The following PPP1R14C variants were observed in gnomAD, a reference collection of about 807,000 sequenced individuals.
PPP1R14C encodes protein phosphatase 1 regulatory inhibitor subunit 14C, also known as protein phosphatase 1 regulatory subunit 14C.
A neutral mutation model predicts 20.4 loss-of-function variants in PPP1R14C; 16 were observed. The observed-to-expected ratio is 0.78, with a 90% CI of 0.53 to 1.19. PPP1R14C has a LOEUF of 1.19. Ranked by LOEUF, PPP1R14C falls within the 50% of genes most tolerant of loss-of-function variation. PPP1R14C has a pLI of 0.00. For missense variants in PPP1R14C, 211 were observed against 220.1 expected, an observed-to-expected ratio of 0.96 and a Z score of 0.26; for synonymous variants, 91 against 91.0, an observed-to-expected ratio of 1.00 and a Z score of 0.00.
chr6:150,243,619 G>T (rs1302240623), intron 3 of PPP1R14C, among the ~76,000 whole-genome samples: 2 of 152,156 alleles, frequency 1.3e-5, no homozygotes, highest in African/African-American at 4.8e-5. Flanking sequence ...TATGGTATGG[G>T]TATAAACATA....
chr6:150,195,965 C>G (rs1373874611), intron 1 of PPP1R14C: 2 of 985,328 alleles, frequency 2.0e-6, no homozygotes, highest in African/African-American at 3.5e-5. Flanking sequence ...GACTGAAGAC[C>G]TGCCACTCTG....
chr6:150,143,638 C>A lies in PPP1R14C; in HGVS notation c.306+140C>A. 1 of 649,574 alleles carries A rather than the reference C, an allele frequency of 1.5e-6. No homozygotes were observed. Among genetic ancestry groups the A allele is most frequent in the Non-Finnish European group, 2.5e-6 (1 of 394,076 alleles). The allele number at this position is 649,574 out of a possible 1,614,324, so 40.2% of individuals were successfully genotyped here. On this transcript the variant is annotated intron_variant, in intron 1 of 3. Coordinates refer to ENST00000361131, the MANE Select transcript of PPP1R14C (RefSeq NM_030949.3). This position sits in a 1 kb window ranked among gnomAD's most constrained non-coding sequence, Gnocchi z 5.6. Reference sequence around the variant, plus strand: ...AAGTGCCAGGAGCGAGGCGCGGCGCCTTCTCTCCCCCGCGGTGCCCTCTGG... The same window carrying A: ...AAGTGCCAGGAGCGAGGCGCGGCGCATTCTCTCCCCCGCGGTGCCCTCTGG...
chr6:150,222,173 C>CA (rs370923560), intron 3 of PPP1R14C, among the ~76,000 whole-genome samples: 15,369 of 152,092 alleles, frequency 0.1, 1,360 homozygotes, highest in African/African-American at 0.24. Flanking sequence ...TAGCAGATGC[C>CA]GGGTGCTGAT....
intron 3 of PPP1R14C, among the ~76,000 whole-genome samples, chr6:150,242,817 A>G (rs1778448130): frequency 6.6e-6 from 1 of 152,230 alleles, no homozygotes; most frequent in South Asian, 2.1e-4. Flanking sequence ...CTACAAAAAA[A>G]TCTCCTAGAA....
At position 150,152,119 on chromosome 6, in the gene PPP1R14C, C is replaced by CAA. The variant is rs577869928; in HGVS notation, c.306+8648_306+8649dup. ...TGGGCGACAGAGCGAGACTCCGTCT[C>CAA]AAAAAAAAAAAAAAAAAAAAAAAAA... On this transcript the variant is annotated intron_variant, in intron 1 of 3. Coordinates refer to ENST00000361131, the MANE Select transcript of PPP1R14C (RefSeq NM_030949.3). 1.6e-3 allele frequency among the ~76,000 whole-genome samples: 135 copies of CAA among 84,922 alleles called. 6 individuals are homozygous for CAA. The highest frequency in any genetic ancestry group is 1.7e-3 in the Non-Finnish European group (61 of 35,034). 55.7% of individuals were successfully genotyped at this position (84,922 alleles called of 152,430 possible). A position where few individuals can be genotyped will look rare whatever the true frequency, so the allele number is the denominator to read the frequency against.
chr6:150,199,000 C>CT (rs557858473), intron 1 of PPP1R14C, among the ~76,000 whole-genome samples: 31,381 of 146,444 alleles, frequency 0.21, 3,920 homozygotes, highest in Non-Finnish European at 0.3. Flanking sequence ...TAGGCTTCTT[C>CT]TTTTTTTTTT....
At chr6:150,242,467 C>A (rs1357706541) in intron 3 of PPP1R14C, among the ~76,000 whole-genome samples, 2 of 152,156 alleles carry the variant, frequency 1.3e-5, no homozygotes, top group East Asian at 3.8e-4. Flanking sequence ...GGGGGAAAAA[C>A]CCCTCTAATC....
chr6:150,163,748 A>G (rs544893230), intron 1 of PPP1R14C, among the ~76,000 whole-genome samples: 1 of 152,288 alleles, frequency 6.6e-6, no homozygotes, highest in Non-Finnish European at 1.5e-5. Context: ...GTGTGAATAC[A>G]CCACAGTTGT....
intron 1 of PPP1R14C, among the ~76,000 whole-genome samples, chr6:150,165,393 A>G (rs1232311621): frequency 2.0e-5 from 3 of 152,248 alleles, no homozygotes; most frequent in African/African-American, 7.2e-5. Context: ...CTAGTTAATT[A>G]CATTTCTTCT....
In PPP1R14C at chr6:150,143,087, C is replaced by A. The variant is rs987734764; in HGVS notation, c.-106C>A. The A allele has an allele frequency of 8.0e-6, 9 of 1,120,794 alleles. No homozygotes were observed. In the African/African-American group the frequency reaches 1.3e-4, roughly 17 times the overall value. The allele number at this position is 1,120,794 out of a possible 1,614,324, so 69.4% of individuals were successfully genotyped here. A position where few individuals can be genotyped will look rare whatever the true frequency, so the allele number is the denominator to read the frequency against. On this transcript the variant is annotated 5_prime_UTR_variant, in exon 1 of 4. Transcript: ENST00000361131. This position sits in a 1 kb window ranked among gnomAD's most constrained non-coding sequence, Gnocchi z 5.6. ...GGCGCGCGCGGCGCAGAGCAGGTGC[C>A]GGGGAGCCCTTCGCATGCGGCTGCC...
chr6:150,236,306 T>C (rs1469051635), intron 3 of PPP1R14C, among the ~76,000 whole-genome samples: 1 of 150,742 alleles, frequency 6.6e-6, no homozygotes, highest in Non-Finnish European at 1.5e-5. Flanking sequence ...CCCTGACAGA[T>C]ACTCAGTACC....
intron 1 of PPP1R14C, among the ~76,000 whole-genome samples, chr6:150,155,955 G>A (rs1777300503): frequency 6.9e-6 from 1 of 145,942 alleles, no homozygotes. Context: ...AACCTGGGAG[G>A]CAGAGACCGT....
intron 1 of PPP1R14C, among the ~76,000 whole-genome samples, chr6:150,149,498 G>A (rs4869836): frequency 0.2 from 25,492 of 124,590 alleles, 2,766 homozygotes; most frequent in East Asian, 0.57. Flanking sequence ...AGGTTTCACT[G>A]TGTTGGCCAG....
chr6:150,221,216 C>T (rs557354213), intron 3 of PPP1R14C, among the ~76,000 whole-genome samples: 10 of 152,326 alleles, frequency 6.6e-5, no homozygotes, highest in Non-Finnish European at 1.3e-4. Context: ...ATTGCACTAA[C>T]ATACATTACT....
intron 1 of PPP1R14C, among the ~76,000 whole-genome samples, chr6:150,191,041 C>T (rs924102539): frequency 7.2e-5 from 11 of 152,164 alleles, no homozygotes; most frequent in African/African-American, 2.7e-4. Flanking sequence ...CTTTGCCCTT[C>T]ACTCTCTCTG....
chr6:150,207,762 G>A (rs1356414117), intron 1 of PPP1R14C, among the ~76,000 whole-genome samples: 2 of 152,166 alleles, frequency 1.3e-5, no homozygotes, highest in African/African-American at 4.8e-5. Context: ...ACTGGGTAAT[G>A]TATACAGAAA....
intron 1 of PPP1R14C, among the ~76,000 whole-genome samples, chr6:150,173,073 GCA>G (rs926854976): frequency 9.2e-5 from 14 of 152,146 alleles, no homozygotes; most frequent in African/African-American, 3.1e-4. Flanking sequence ...TGCAAAGAAA[GCA>G]CAGAGTTTTC....
In PPP1R14C at chr6:150,143,820, G is replaced by A. The variant is rs375369835; in HGVS notation, c.306+322G>A. ...GCCTCTGGGCTCCAGCTGCAGCTGC[G>A]CAAAGCGGGGCTCGGAGGGGCTCAC... On this transcript the variant is annotated intron_variant, in intron 1 of 3. Transcript: ENST00000361131. The surrounding 1 kb of genome is among the most constrained non-coding windows in gnomAD (Gnocchi z 5.6). Among the ~76,000 whole-genome samples the A allele has an allele frequency of 2.0e-5, 3 of 152,104 alleles. No homozygotes were observed. The highest frequency in any genetic ancestry group is 3.9e-4 in the East Asian group (2 of 5,146).
intron 1 of PPP1R14C, chr6:150,194,496 C>T (rs1777780591): frequency 1.0e-6 from 1 of 978,358 alleles, no homozygotes; most frequent in African/African-American, 1.8e-5. Flanking sequence ...TGTTCTACTA[C>T]AATTTGTATG....
Sources: gnomAD v4.1 joint callset for allele counts (sites outside exome capture counted in the v4.1 genomes callset) on GRCh38, gnomAD v4.1.1 for gene constraint, Gnocchi (gnomAD v3.1) non-coding constraint, MANE v1.5 for transcripts, NCBI Gene and HGNC (gene_info 2026-07-23, HGNC 2026-07-21) for gene names.